Variants in DHRS3 observed in about 807,000 individuals in gnomAD.
The protein encoded by DHRS3 is short-chain dehydrogenase/reductase 3.
DHRS3 carries 14 observed loss-of-function variants against 27.2 expected under a neutral mutation model. That is an observed-to-expected ratio of 0.52 (90% CI 0.34 to 0.81). The LOEUF (loss-of-function observed/expected upper bound fraction) is 0.81, where lower values mean the gene tolerates loss of function less well. DHRS3 is among the 30% of genes least tolerant of loss of function. DHRS3 has a pLI of 0.01. For synonymous variants in DHRS3, 165 were observed against 175.9 expected (o/e 0.94, Z 0.49); for missense variants, 322 against 406.2 (o/e 0.79, Z 1.78).
At chr1:12,588,143 A>G (rs1038644777) in intron 1 of DHRS3, among the ~76,000 whole-genome samples, 13 of 152,158 alleles carry the variant, frequency 8.5e-5, no homozygotes, top group African/African-American at 3.1e-4. Context: ...CTCTGTTTCA[A>G]ATGCCAGGGC....
At chr1:12,609,778 A>G (rs72872611) in intron 1 of DHRS3, among the ~76,000 whole-genome samples, 4,914 of 152,176 alleles carry the variant, frequency 0.032, 241 homozygotes, top group African/African-American at 0.11. Context: ...CCTGTCCTAC[A>G]TGGGAACCTG....
chr1:12,571,526 ATTTTTT>A (rs371364169), intron 5 of DHRS3, among the ~76,000 whole-genome samples: 4 of 126,770 alleles, frequency 3.2e-5, no homozygotes, highest in African/African-American at 1.2e-4. Context: ...TGTGAGGTCA[ATTTTTT>A]TTTTTTTTTT....
At chr1:12,581,211 T>G (rs1646640971) in intron 1 of DHRS3, among the ~76,000 whole-genome samples, 2 of 152,258 alleles carry the variant, frequency 1.3e-5, no homozygotes, top group Non-Finnish European at 2.9e-5. Context: ...TCAATTGATG[T>G]GTATTTACAA....
intron 1 of DHRS3, among the ~76,000 whole-genome samples, chr1:12,582,452 T>TC (rs1037350581): frequency 1.3e-5 from 2 of 152,174 alleles, no homozygotes; most frequent in African/African-American, 4.8e-5. Context: ...AACAAGTGGG[T>TC]CCCGTCAGTT....
intron 1 of DHRS3, among the ~76,000 whole-genome samples, chr1:12,583,249 C>A (rs1646660878): frequency 6.6e-6 from 1 of 150,680 alleles, no homozygotes; most frequent in African/African-American, 2.4e-5. Flanking sequence ...ACCCACTCAC[C>A]TACCCAACTC....
At chr1:12,603,542 G>A (rs1352697561) in intron 1 of DHRS3, among the ~76,000 whole-genome samples, 1 of 152,104 alleles carries the variant, frequency 6.6e-6, no homozygotes. Context: ...GGGCCTCTAG[G>A]GTGCTCCGGA....
intron 1 of DHRS3, among the ~76,000 whole-genome samples, chr1:12,609,780 G>A (rs567283053): frequency 6.6e-6 from 1 of 152,158 alleles, no homozygotes; most frequent in South Asian, 2.1e-4. Flanking sequence ...TGTCCTACAT[G>A]GGAACCTGTC....
chr1:12,590,608 C>T (rs566012551), intron 1 of DHRS3, among the ~76,000 whole-genome samples: 6 of 152,050 alleles, frequency 3.9e-5, no homozygotes, highest in African/African-American at 1.4e-4. Flanking sequence ...CCGTGCCCGA[C>T]CTAGAATAGT....
chr1:12,597,291 G>A (rs898160145), intron 1 of DHRS3, among the ~76,000 whole-genome samples: 2 of 152,150 alleles, frequency 1.3e-5, no homozygotes, highest in Admixed American at 1.3e-4. Flanking sequence ...TGGCCAGGCT[G>A]GTCTCGAACT....
intron 1 of DHRS3, among the ~76,000 whole-genome samples, chr1:12,607,780 G>A (rs923270253): frequency 3.9e-5 from 6 of 152,102 alleles, no homozygotes; most frequent in Admixed American, 2.0e-4. Context: ...TGGTATCATC[G>A]CTTACAAAAG....
chr1:12,580,400 GC>G (rs750370263), intron 2 of DHRS3, 122 bp downstream of exon 2: 19 of 1,391,676 alleles, frequency 1.4e-5, no homozygotes, highest in Non-Finnish European at 1.8e-5. Flanking sequence ...CCCCAAAGGT[GC>G]CCCGGGCAAA....
In DHRS3 at chr1:12,568,380, C is replaced by G; in HGVS notation, c.869G>C (p.Gly290Ala). The G allele has an allele frequency of 6.2e-7, 1 of 1,613,940 alleles. No individual in the cohort carries two copies. Among genetic ancestry groups the G allele is most frequent in the Non-Finnish European group, 8.5e-7 (1 of 1,179,848 alleles). Residue 290 changes from glycine to alanine, a missense_variant, in exon 6 of 6, where the codon GGA (glycine) becomes GCA (alanine). By Grantham distance (60) the Gly-to-Ala change is moderately conservative. Transcript: ENST00000616661. ...AALEEIHKFS[G>A]TYTCMNTFKG... ...GAAAGTGTTCATGCAGGTGTAGGTT[C>G]CTGAGAATTTGTGGATCTCCTCGAG...
chr1:12,616,603 G>A (rs144653436), intron 1 of DHRS3: 25,519 of 986,566 alleles, frequency 0.026, 370 homozygotes, highest in South Asian at 0.052. Flanking sequence ...GGGCCTCTCA[G>A]TGTCGGTCCG....
At position 12,593,709 on chromosome 1, in the gene DHRS3, G is replaced by A. The variant is rs1052457360; in HGVS notation, c.196-13043C>T. On this transcript the variant is annotated intron_variant, in intron 1 of 5. Transcript: ENST00000616661. This position sits in a 1 kb window ranked among gnomAD's most constrained non-coding sequence, Gnocchi z 4.6. Reference sequence around the variant, plus strand: ...ACACTCCTTCAAATGCTAAAACCACGCCCTGCCAAGAGCCAGTACGTGACA... The same window carrying A: ...ACACTCCTTCAAATGCTAAAACCACACCCTGCCAAGAGCCAGTACGTGACA... Among the ~76,000 whole-genome samples, 5 of 152,134 alleles carry A rather than the reference G, an allele frequency of 3.3e-5. No homozygotes were observed. The highest frequency in any genetic ancestry group is 2.1e-4 in the South Asian group (1 of 4,818).
chr1:12,576,917 C>T (rs528752703), intron 4 of DHRS3, among the ~76,000 whole-genome samples: 67 of 150,902 alleles, frequency 4.4e-4, no homozygotes, highest in Non-Finnish European at 9.0e-4. Flanking sequence ...CTCAAGCCAT[C>T]CTCCTGCCTC....
intron 1 of DHRS3, among the ~76,000 whole-genome samples, chr1:12,595,815 G>T (rs1413836783): frequency 6.7e-6 from 1 of 149,292 alleles, no homozygotes; most frequent in African/African-American, 2.5e-5. Flanking sequence ...GCAGAAGGGG[G>T]CTGGGTTGAG....
chr1:12,578,185 C>T lies in DHRS3; in HGVS notation c.698+533G>A, dbSNP rs1646607332. On this transcript the variant is annotated intron_variant, in intron 4 of 5. Transcript: ENST00000616661. The surrounding 1 kb of genome is among the most constrained non-coding windows in gnomAD (Gnocchi z 4.5). ...ACCTTTAGACACATCCCGCTGCATGCCTGTAGCTCTGGTAGTTTCCTATAA... is the reference window on the plus strand; with the variant it reads ...ACCTTTAGACACATCCCGCTGCATGTCTGTAGCTCTGGTAGTTTCCTATAA... Among the ~76,000 whole-genome samples the T allele has an allele frequency of 6.6e-6, 1 of 152,238 alleles. No homozygotes were observed. Among genetic ancestry groups the T allele is most frequent in the Non-Finnish European group, 1.5e-5 (1 of 68,046 alleles).
In DHRS3 at chr1:12,593,975, C is replaced by G. The variant is rs370354536; in HGVS notation, c.196-13309G>C. On this transcript the variant is annotated intron_variant, in intron 1 of 5. Coordinates refer to ENST00000616661, the MANE Select transcript of DHRS3 (RefSeq NM_004753.7). The surrounding 1 kb of genome is among the most constrained non-coding windows in gnomAD (Gnocchi z 4.6). Reference sequence around the variant, plus strand: ...GCCCAGGGCCGCACTTGGCAAAACACGGAGGCAGAGAAACTCAGGCTAGAG... The same window carrying G: ...GCCCAGGGCCGCACTTGGCAAAACAGGGAGGCAGAGAAACTCAGGCTAGAG... Among the ~76,000 whole-genome samples the G allele has an allele frequency of 3.9e-5, 6 of 152,224 alleles. No individual in the cohort carries two copies. Among genetic ancestry groups the G allele is most frequent in the Non-Finnish European group, 7.3e-5 (5 of 68,040 alleles).
intron 1 of DHRS3, among the ~76,000 whole-genome samples, chr1:12,583,381 A>C (rs1454100121): frequency 2.5e-3 from 140 of 56,740 alleles, no homozygotes; most frequent in Admixed American, 3.3e-3. Context: ...CACCCACCCC[A>C]CCCCATCCAT....
Sources: gnomAD v4.1 joint callset for allele counts (sites outside exome capture counted in the v4.1 genomes callset) on GRCh38, gnomAD v4.1.1 for gene constraint, Gnocchi (gnomAD v3.1) non-coding constraint, MANE v1.5 for transcripts, NCBI Gene and HGNC (gene_info 2026-07-23, HGNC 2026-07-21) for gene names.